Variants in GABRA2 observed in about 807,000 individuals in gnomAD.
GABRA2 encodes gamma-aminobutyric acid type A receptor subunit alpha2, also known as gamma-aminobutyric acid receptor subunit alpha-2.
GABRA2 carries 16 observed loss-of-function variants against 48.7 expected under a neutral mutation model. That is an observed-to-expected ratio of 0.33 (90% CI 0.22 to 0.50). The LOEUF (loss-of-function observed/expected upper bound fraction) is 0.50, where lower values mean the gene tolerates loss of function less well. Among genes scored for constraint, GABRA2 ranks in the 20% least tolerant of loss-of-function variants. The pLI is 0.98. For synonymous variants in GABRA2, 185 were observed against 184.5 expected (o/e 1.00, Z -0.02); for missense variants, 275 against 535.6 (o/e 0.51, Z 4.80).
rs142718344 is a variant in GABRA2, at chr4:46,287,970, A to G, written c.856+15490T>C. Among the ~76,000 whole-genome samples the G allele has an allele frequency of 4.5e-4, 68 of 152,272 alleles. 1 individual carries two copies. The highest frequency in any genetic ancestry group is 1.4e-3 in the African/African-American group (58 of 41,568). On this transcript the variant is annotated intron_variant, in intron 8 of 9. Transcript: ENST00000381620. ...CATGGAGGAGCAAGTCACATCTTAC[A>G]TGGATAGCAGTAGGCAAAGAGAGAG...
intron 3 of GABRA2, among the ~76,000 whole-genome samples, chr4:46,352,734 G>T (rs979530340): frequency 6.6e-6 from 1 of 152,014 alleles, no homozygotes; most frequent in Non-Finnish European, 1.5e-5. Context: ...TATATCCAGA[G>T]AACAATCTAA....
chr4:46,289,316 A>G (rs1723140602), intron 8 of GABRA2, among the ~76,000 whole-genome samples: 1 of 152,366 alleles, frequency 6.6e-6, no homozygotes, highest in Non-Finnish European at 1.5e-5. Context: ...ATGCCCACAA[A>G]TGGTAGACTA....
chr4:46,310,123 T>A, intron 6 of GABRA2, 50 bp downstream of exon 6: 1 of 1,366,980 alleles, frequency 7.3e-7, no homozygotes, highest in Non-Finnish European at 1.0e-6. Flanking sequence ...TGCTGCTGAC[T>A]TTCCCTGATA....
Position 46,243,584 on chromosome 4 carries a change from G to T in GABRA2, c.*6724C>A, listed in dbSNP as rs1033578057. 3.3e-5 allele frequency: 5 copies of T among 151,478 alleles called. No homozygotes were observed. The highest frequency in any genetic ancestry group is 1.2e-4 in the African/African-American group (5 of 41,382). The allele number at this position is 151,478 out of a possible 1,614,324, so 9.4% of individuals were successfully genotyped here. ...CATTTTTAATAAATACAAAAAAGTT[G>T]TTTAGCATTAATTTGCATGTGATTA... On this transcript the variant is annotated 3_prime_UTR_variant, in exon 10 of 10. Transcript: ENST00000381620.
intron 8 of GABRA2, among the ~76,000 whole-genome samples, chr4:46,284,833 AT>A (rs961520538): frequency 9.2e-5 from 14 of 151,664 alleles, no homozygotes; most frequent in South Asian, 6.2e-4. Context: ...AAAGAGTAGT[AT>A]TTTTTTTATT....
intron 3 of GABRA2, among the ~76,000 whole-genome samples, chr4:46,377,702 G>A (rs1259334789): frequency 3.6e-5 from 5 of 137,946 alleles, no homozygotes; most frequent in African/African-American, 1.4e-4. Flanking sequence ...CCCTCTGCCC[G>A]GCCAGCCTCC....
intron 3 of GABRA2, chr4:46,369,058 A>G: frequency 1.4e-6 from 1 of 691,568 alleles, no homozygotes; most frequent in Non-Finnish European, 2.6e-6. Context: ...TTACATAATC[A>G]AATCTAACTA....
chr4:46,326,587 T>C (rs1730419437), intron 4 of GABRA2, among the ~76,000 whole-genome samples: 2 of 151,614 alleles, frequency 1.3e-5, no homozygotes, highest in African/African-American at 4.8e-5. Flanking sequence ...TTGCTCCTTC[T>C]CAGTCTCTTC....
At chr4:46,335,401 A>C (rs112910739) in intron 3 of GABRA2, among the ~76,000 whole-genome samples, 2 of 152,296 alleles carry the variant, frequency 1.3e-5, no homozygotes, top group African/African-American at 4.8e-5. Context: ...GTTAATTTAC[A>C]GTCTGGTGGC....
intron 8 of GABRA2, among the ~76,000 whole-genome samples, chr4:46,289,075 G>C (rs571894330): frequency 6.6e-6 from 1 of 152,142 alleles, no homozygotes; most frequent in Non-Finnish European, 1.5e-5. Context: ...GCAGGATATG[G>C]AGAAAAAGGA....
intron 8 of GABRA2, among the ~76,000 whole-genome samples, chr4:46,265,554 A>G (rs1347944830): frequency 6.8e-6 from 1 of 146,922 alleles, no homozygotes; most frequent in Non-Finnish European, 1.5e-5. Flanking sequence ...TGATTTTAGT[A>G]ATTTGATTTT....
chr4:46,251,199 C>T (rs541418), intron 9 of GABRA2, among the ~76,000 whole-genome samples: 92,234 of 151,154 alleles, frequency 0.61, 28,596 homozygotes, highest in South Asian at 0.78. Context: ...ATCTCTAGTT[C>T]CATTATCACA....
intron 5 of GABRA2, among the ~76,000 whole-genome samples, chr4:46,311,737 T>C (rs1722059176): frequency 6.6e-6 from 1 of 152,232 alleles, no homozygotes; most frequent in Middle Eastern, 3.2e-3. Context: ...CCTTATTAAA[T>C]GAAGCTTTCT....
At chr4:46,271,776 A>T (rs1264595542) in intron 8 of GABRA2, among the ~76,000 whole-genome samples, 1 of 151,702 alleles carries the variant, frequency 6.6e-6, no homozygotes, top group Admixed American at 6.6e-5. Context: ...TTTATCCAAA[A>T]CTCGTATCCC....
intron 3 of GABRA2, among the ~76,000 whole-genome samples, chr4:46,358,986 C>T (rs1712680067): frequency 6.6e-6 from 1 of 152,294 alleles, no homozygotes; most frequent in South Asian, 2.1e-4. Flanking sequence ...TCCACTCATT[C>T]CACCATCATA....
chr4:46,380,696 T>C (rs1409034844), intron 3 of GABRA2, among the ~76,000 whole-genome samples: 1 of 152,160 alleles, frequency 6.6e-6, no homozygotes, highest in African/African-American at 2.4e-5. Flanking sequence ...CAAAAGCAGG[T>C]ACTGATCTTA....
chr4:46,364,264 T>C (rs1226059845), intron 3 of GABRA2: 1 of 152,226 alleles, frequency 6.6e-6, no homozygotes, highest in Non-Finnish European at 1.5e-5. Context: ...CTTACAGTAC[T>C]TTGAAATAAT....
intron 3 of GABRA2, among the ~76,000 whole-genome samples, chr4:46,345,316 G>A (rs1380927481): frequency 1.3e-5 from 2 of 151,942 alleles, no homozygotes; most frequent in Non-Finnish European, 2.9e-5. Flanking sequence ...AATACACCAC[G>A]TAAGACCAAT....
At chr4:46,313,814 C>T (rs1292860593) in intron 4 of GABRA2, among the ~76,000 whole-genome samples, 1 of 152,030 alleles carries the variant, frequency 6.6e-6, no homozygotes. Context: ...ATAGTCATTA[C>T]ATGTTTGAAA....
Sources: allele counts gnomAD v4.1 joint callset (sites outside exome capture counted in the v4.1 genomes callset), GRCh38; gene constraint gnomAD v4.1.1; transcripts MANE v1.5; gene names NCBI Gene and HGNC (gene_info 2026-07-23, HGNC 2026-07-21).